ESR2: variants seen among roughly 807,000 people sequenced by gnomAD.
The protein encoded by ESR2 is estrogen receptor beta.
In ESR2, 36 loss-of-function variants were observed where a neutral mutation model predicts 49.6. The ratio of observed to expected loss-of-function variants is 0.73; its 90% CI spans 0.56 to 0.96. The LOEUF (loss-of-function observed/expected upper bound fraction) is 0.96. ESR2 is among the 40% of genes least tolerant of loss of function. ESR2 has a pLI of 0.00. For synonymous variants in ESR2, 320 were observed against 266.1 expected, an observed-to-expected ratio of 1.20 and a Z score of -1.97; for missense variants, 714 against 693.0, an observed-to-expected ratio of 1.03 and a Z score of -0.34.
chr14:64,287,685 C>T (rs533788697), intron 1 of ESR2, among the ~76,000 whole-genome samples: 2 of 152,020 alleles, frequency 1.3e-5, no homozygotes, highest in African/African-American at 4.8e-5. Context: ...GACAGGAGAA[C>T]AGGTAGCAAA....
intron 7 of ESR2, among the ~76,000 whole-genome samples, chr14:64,243,716 G>T (rs1339617396): frequency 1.3e-5 from 2 of 152,160 alleles, no homozygotes; most frequent in African/African-American, 4.8e-5. Flanking sequence ...GAACTGCAAG[G>T]TTTTTCCCAC....
chr14:64,262,348 C>G (rs1022714617), intron 4 of ESR2, among the ~76,000 whole-genome samples: 22 of 152,208 alleles, frequency 1.4e-4, no homozygotes, highest in African/African-American at 4.8e-4. Context: ...TTCCTGGGCT[C>G]AAGTGATCCT....
chr14:64,277,174 G>A (rs1365551793), intron 3 of ESR2, among the ~76,000 whole-genome samples: 1 of 152,102 alleles, frequency 6.6e-6, no homozygotes, highest in Non-Finnish European at 1.5e-5. Flanking sequence ...CACTCTGATG[G>A]CAACTCATTG....
chr14:64,232,952 A>G lies in ESR2; in HGVS notation c.*185T>C, dbSNP rs2098728669. 1.5e-6 allele frequency: 2 copies of G among 1,293,858 alleles called. No individual in the cohort carries two copies. The highest frequency in any genetic ancestry group is 2.0e-6 in the Non-Finnish European group (2 of 990,038). The allele number at this position is 1,293,858 out of a possible 1,614,324, so 80.1% of individuals were successfully genotyped here. On this transcript the variant is annotated 3_prime_UTR_variant, in exon 9 of 9. Coordinates refer to ENST00000341099, the MANE Select transcript of ESR2 (RefSeq NM_001437.3). ...AATGTGCCCTCTGCTAACAAGGGAA[A>G]CTATGGCTTCCTCACACCGACTCCT...
intron 7 of ESR2, among the ~76,000 whole-genome samples, chr14:64,244,180 C>A (rs2075800575): frequency 6.6e-6 from 1 of 152,118 alleles, no homozygotes. Context: ...GGGTGGATCA[C>A]TTGAGGTCAG....
chr14:64,315,677 A>G (rs182139576), intron 1 of ESR2, among the ~76,000 whole-genome samples: 2,111 of 133,946 alleles, frequency 0.016, 21 homozygotes, highest in Non-Finnish European at 0.021. Context: ...TTTTTTTGAG[A>G]TGGAGTCTTG....
At chr14:64,284,998 C>T (rs891840919) in intron 1 of ESR2, among the ~76,000 whole-genome samples, 7 of 152,010 alleles carry the variant, frequency 4.6e-5, no homozygotes, top group African/African-American at 1.4e-4. Flanking sequence ...TATAGGCGCC[C>T]GCCACCACGC....
At chr14:64,245,983 A>C (rs969225897) in intron 7 of ESR2, among the ~76,000 whole-genome samples, 25 of 152,330 alleles carry the variant, frequency 1.6e-4, no homozygotes, top group South Asian at 6.2e-4. Context: ...TATGTGAGGT[A>C]ATGTTGGTAG....
intron 7 of ESR2, among the ~76,000 whole-genome samples, chr14:64,237,202 C>T (rs574519785): frequency 9.2e-5 from 14 of 152,136 alleles, no homozygotes; most frequent in Non-Finnish European, 1.8e-4. Context: ...CCTCGCAATC[C>T]GCCTGCCTCA....
At chr14:64,292,268 A>G (rs2076884711) in intron 1 of ESR2, among the ~76,000 whole-genome samples, 2 of 152,240 alleles carry the variant, frequency 1.3e-5, no homozygotes, top group African/African-American at 4.8e-5. Flanking sequence ...AAAACGTACT[A>G]AAGAGCAAAA....
At chr14:64,302,840 CCAGGCTGGAGTG>C (rs1269967470) in intron 1 of ESR2, among the ~76,000 whole-genome samples, 1 of 151,986 alleles carries the variant, frequency 6.6e-6, no homozygotes, top group African/African-American at 2.4e-5. Context: ...CTGTTGTCGC[CCAGGCTGGAGTG>C]CAGTGGCACA....
chr14:64,313,301 G>C (rs2077205810), intron 1 of ESR2, among the ~76,000 whole-genome samples: 1 of 152,186 alleles, frequency 6.6e-6, no homozygotes, highest in South Asian at 2.1e-4. Flanking sequence ...GGGAGGCCAA[G>C]GCGGGTGTAT....
At chr14:64,298,077 A>C (rs959254864), upstream of ESR2, among the ~76,000 whole-genome samples, 1 of 152,272 alleles carries the variant, frequency 6.6e-6, no homozygotes, top group Non-Finnish European at 1.5e-5. Flanking sequence ...GTCAGAGATC[A>C]TCTCAACTGA....
At chr14:64,336,076 C>G (rs914578598) in intron 1 of ESR2, 2 of 151,964 alleles carry the variant, frequency 1.3e-5, no homozygotes, top group Non-Finnish European at 2.9e-5. Context: ...GGCTCGAACT[C>G]CTGACCTCAG....
At chr14:64,305,064 G>A (rs1270492918) in intron 1 of ESR2, among the ~76,000 whole-genome samples, 4 of 152,106 alleles carry the variant, frequency 2.6e-5, no homozygotes, top group Non-Finnish European at 5.9e-5. Flanking sequence ...GCTGAGGTGG[G>A]TGGATCACAA....
chr14:64,316,628 G>A (rs2077259304), intron 1 of ESR2, among the ~76,000 whole-genome samples: 1 of 151,838 alleles, frequency 6.6e-6, no homozygotes, highest in Non-Finnish European at 1.5e-5. Context: ...GGCCAACATG[G>A]TGAAACCCTG....
intron 7 of ESR2, among the ~76,000 whole-genome samples, chr14:64,239,853 G>C (rs542567257): frequency 1.3e-5 from 2 of 152,254 alleles, no homozygotes; most frequent in East Asian, 3.9e-4. Context: ...AGAATGTTGT[G>C]GTCCTTTCCC....
chr14:64,241,229 C>T (rs566021001), intron 7 of ESR2, among the ~76,000 whole-genome samples: 1 of 150,298 alleles, frequency 6.7e-6, no homozygotes, highest in East Asian at 2.0e-4. Flanking sequence ...ATATTTTTGA[C>T]TAGCAATATT....
intron 1 of ESR2, among the ~76,000 whole-genome samples, chr14:64,321,689 C>T (rs1047769649): frequency 1.3e-5 from 2 of 152,110 alleles, no homozygotes; most frequent in African/African-American, 2.4e-5. Flanking sequence ...AAAAGAAAAG[C>T]CCAGTGGTCA....
Sources: allele counts gnomAD v4.1 joint callset (sites outside exome capture counted in the v4.1 genomes callset), GRCh38; gene constraint gnomAD v4.1.1; transcripts MANE v1.5; gene names NCBI Gene and HGNC (gene_info 2026-07-23, HGNC 2026-07-21).